The following MCU variants were observed in gnomAD, a reference collection of about 807,000 sequenced individuals.
The protein encoded by MCU is calcium uniporter protein, mitochondrial.
MCU carries 12 observed loss-of-function variants against 45.2 expected under a neutral mutation model. The ratio of observed to expected loss-of-function variants is 0.27; its 90% CI spans 0.17 to 0.43. MCU has a LOEUF of 0.43. Ranked by LOEUF, MCU falls within the 20% of genes least tolerant of loss-of-function variation. The probability of loss-of-function intolerance (pLI) is 1.00; values close to 1 mark genes in which losing one functional copy is unlikely to be tolerated. For synonymous variants in MCU, 160 were observed against 165.1 expected (o/e 0.97, Z 0.24); for missense variants, 324 against 436.7 (o/e 0.74, Z 2.30).
At chr10:72,700,278 C>G (rs1202141223) in intron 1 of MCU, among the ~76,000 whole-genome samples, 1 of 151,880 alleles carries the variant, frequency 6.6e-6, no homozygotes, top group Admixed American at 6.6e-5. Context: ...CCAGGCTGGT[C>G]TTGAACTCCT....
intron 6 of MCU, among the ~76,000 whole-genome samples, chr10:72,883,926 A>G (rs1845742348): frequency 6.6e-6 from 1 of 152,198 alleles, no homozygotes; most frequent in South Asian, 2.1e-4. Flanking sequence ...ATAAGAAAAC[A>G]ATTACCATAA....
At chr10:72,734,987 G>T (rs1368934611) in intron 1 of MCU, among the ~76,000 whole-genome samples, 1 of 151,618 alleles carries the variant, frequency 6.6e-6, no homozygotes, top group African/African-American at 2.4e-5. Flanking sequence ...GCTGAGGCTG[G>T]ATTGCCTGAG....
intron 1 of MCU, among the ~76,000 whole-genome samples, chr10:72,770,008 A>G (rs1460716679): frequency 1.3e-5 from 2 of 152,084 alleles, no homozygotes; most frequent in African/African-American, 2.4e-5. Flanking sequence ...ATTTTCATTC[A>G]TCTCAAAATC....
intron 1 of MCU, among the ~76,000 whole-genome samples, chr10:72,784,258 C>T (rs1281824626): frequency 6.6e-6 from 1 of 152,146 alleles, no homozygotes; most frequent in African/African-American, 2.4e-5. Context: ...AAGGGAAGTA[C>T]AAAGGCTTTG....
At chr10:72,800,205 A>G (rs1844317702) in intron 1 of MCU, among the ~76,000 whole-genome samples, 1 of 152,214 alleles carries the variant, frequency 6.6e-6, no homozygotes. Context: ...GGTGATGCCA[A>G]ACAACCACAA....
At chr10:72,752,473 A>G (rs1357325397) in intron 1 of MCU, among the ~76,000 whole-genome samples, 1 of 152,204 alleles carries the variant, frequency 6.6e-6, no homozygotes, top group African/African-American at 2.4e-5. Context: ...CTAAGAACAT[A>G]TAGGCATTAA....
chr10:72,710,113 C>T (rs1358310942), intron 1 of MCU, among the ~76,000 whole-genome samples: 1 of 152,078 alleles, frequency 6.6e-6, no homozygotes, highest in Non-Finnish European at 1.5e-5. Context: ...GTAGCTGGGA[C>T]TACAGGCACA....
At chr10:72,847,281 A>G (rs1174778719) in intron 2 of MCU, among the ~76,000 whole-genome samples, 1 of 152,120 alleles carries the variant, frequency 6.6e-6, no homozygotes, top group East Asian at 1.9e-4. Context: ...GTCCTGTATA[A>G]TGATTTCTGA....
chr10:72,818,909 A>G (rs923809327), intron 1 of MCU, among the ~76,000 whole-genome samples: 11 of 152,122 alleles, frequency 7.2e-5, no homozygotes, highest in African/African-American at 9.7e-5. Context: ...GATATTAAAC[A>G]TATTGGCAAA....
At chr10:72,700,058 A>AT (rs71021525) in intron 1 of MCU, among the ~76,000 whole-genome samples, 4,666 of 135,364 alleles carry the variant, frequency 0.034, 152 homozygotes, top group East Asian at 0.18. Context: ...TTGGGGTCAA[A>AT]TTTTTTTTTT....
At position 72,833,708 on chromosome 10, in the gene MCU, G is replaced by A. The variant is rs371135658; in HGVS notation, c.151-651G>A. ...GTATTCAGTATTCATTCTGAAACAT[G>A]GTTTAGTTATGAGAACCTGAGTCCC... On this transcript the variant is annotated intron_variant, in intron 1 of 7. Coordinates refer to ENST00000373053, the MANE Select transcript of MCU (RefSeq NM_138357.3). Among the ~76,000 whole-genome samples the A allele has an allele frequency of 7.2e-4, 109 of 152,304 alleles. 1 individual carries two copies. In the South Asian group the frequency reaches 0.02, roughly 28 times the overall value.
At chr10:72,753,591 T>G (rs1218624189) in intron 1 of MCU, among the ~76,000 whole-genome samples, 2 of 152,172 alleles carry the variant, frequency 1.3e-5, no homozygotes, top group Non-Finnish European at 2.9e-5. Flanking sequence ...AACCACATAA[T>G]GGGCCGGGCG....
At chr10:72,734,808 A>G (rs1249765366) in intron 1 of MCU, among the ~76,000 whole-genome samples, 1 of 151,864 alleles carries the variant, frequency 6.6e-6, no homozygotes, top group Non-Finnish European at 1.5e-5. Flanking sequence ...TTGTGGAGAC[A>G]GGTCTCACTA....
At chr10:72,792,314 A>G (rs960170712) in intron 1 of MCU, among the ~76,000 whole-genome samples, 2 of 152,224 alleles carry the variant, frequency 1.3e-5, no homozygotes, top group Non-Finnish European at 2.9e-5. Flanking sequence ...AAAGGACAGG[A>G]TATTTTGAAG....
intron 1 of MCU, among the ~76,000 whole-genome samples, chr10:72,778,864 T>C (rs899348911): frequency 3.3e-5 from 5 of 151,478 alleles, no homozygotes; most frequent in African/African-American, 1.2e-4. Flanking sequence ...AAAAAAAAAA[T>C]TTCAGTGGGG....
chr10:72,784,321 G>T (rs1185168799), intron 1 of MCU, among the ~76,000 whole-genome samples: 7 of 152,166 alleles, frequency 4.6e-5, no homozygotes, highest in Non-Finnish European at 1.0e-4. Flanking sequence ...ATGTTGCTCT[G>T]TTTTGATAGA....
intron 1 of MCU, among the ~76,000 whole-genome samples, chr10:72,771,819 C>T (rs1268316076): frequency 2.0e-5 from 3 of 152,202 alleles, no homozygotes; most frequent in Non-Finnish European, 4.4e-5. Context: ...TCTCCCTCCC[C>T]TTGCCCTCCT....
intron 1 of MCU, among the ~76,000 whole-genome samples, chr10:72,826,407 A>T (rs909594503): frequency 1.3e-5 from 2 of 152,252 alleles, no homozygotes; most frequent in African/African-American, 2.4e-5. Flanking sequence ...AAATATTTTT[A>T]AAAGTGCTTT....
chr10:72,723,282 GATTAA>G (rs1188782858), intron 1 of MCU, among the ~76,000 whole-genome samples: 2 of 151,984 alleles, frequency 1.3e-5, no homozygotes, highest in African/African-American at 2.4e-5. Flanking sequence ...TCAGAACGAA[GATTAA>G]ATTAATAAAC....
Sources: gnomAD v4.1 joint callset for allele counts (sites outside exome capture counted in the v4.1 genomes callset) on GRCh38, gnomAD v4.1.1 for gene constraint, MANE v1.5 for transcripts, NCBI Gene and HGNC (gene_info 2026-07-23, HGNC 2026-07-21) for gene names.